The following XPO5 variants were observed in gnomAD, a reference collection of about 807,000 sequenced individuals.
XPO5 encodes exportin 5, also known as exportin-5.
In XPO5, 46 loss-of-function variants were observed where a neutral mutation model predicts 160.6. The ratio of observed to expected loss-of-function variants is 0.29; its 90% CI spans 0.23 to 0.37. The LOEUF (loss-of-function observed/expected upper bound fraction) is 0.37, where lower values mean the gene tolerates loss of function less well. Among genes scored for constraint, XPO5 ranks in the 10% least tolerant of loss-of-function variants. The pLI is 1.00. For synonymous variants in XPO5, 537 were observed against 519.3 expected, an observed-to-expected ratio of 1.03 and a Z score of -0.46; for missense variants, 1,090 against 1,463.9, an observed-to-expected ratio of 0.74 and a Z score of 4.17.
At position 43,570,982 on chromosome 6, in the gene XPO5, T is replaced by C. The variant is rs935290391; in HGVS notation, c.313A>G (p.Ile105Val). ...TTAATATGGTTCTCCTCTTCCAAAA[T>C]GTTCAATGTTCCCTGAAAAAGAACA... is the stretch of plus-strand genomic sequence containing the variant. ...MELIANGTLNILEEENHIKDA... is the reference protein window; with the variant it reads ...MELIANGTLNVLEEENHIKDA... Residue 105 changes from isoleucine (I) to valine (V), a missense_variant, in exon 4 of 32, where the codon ATT becomes GTT. Around this residue, in one of 3 missense-constraint regions of XPO5, gnomAD observed 170 missense variants for 227.0 expected, o/e 0.75. Transcript: ENST00000265351. 1.6e-5 allele frequency: 25 copies of C among 1,609,560 alleles called. No homozygotes were observed. The highest frequency in any genetic ancestry group is 2.1e-5 in the Non-Finnish European group (25 of 1,178,700).
At chr6:43,572,635 A>C in intron 2 of XPO5, 57 bp from the exon 3 acceptor site, 1 of 1,508,232 alleles carries the variant, frequency 6.6e-7, no homozygotes, top group Non-Finnish European at 9.2e-7. Context: ...TGTCTTTACA[A>C]GAGAATAGCA....
intron 21 of XPO5, among the ~76,000 whole-genome samples, chr6:43,533,145 CAA>C (rs112187126): frequency 6.9e-6 from 1 of 145,898 alleles, no homozygotes; most frequent in Non-Finnish European, 1.5e-5. Context: ...GAAAACAAAA[CAA>C]AACAAAAAAG....
intron 7 of XPO5, 63 bp downstream of exon 7, chr6:43,567,106 A>G (rs1762734421): frequency 6.7e-7 from 1 of 1,489,608 alleles, no homozygotes; most frequent in Non-Finnish European, 9.0e-7. Context: ...ACAACATGCA[A>G]TTAAACACAT....
chr6:43,567,119 A>G, intron 7 of XPO5, 50 bp downstream of exon 7: 1 of 1,541,694 alleles, frequency 6.5e-7, no homozygotes, highest in Non-Finnish European at 8.7e-7. Context: ...AAACACATAC[A>G]CAGCCTACTT....
At chr6:43,528,977 G>A in intron 23 of XPO5, 52 bp from the exon 24 acceptor site, 1 of 1,534,710 alleles carries the variant, frequency 6.5e-7, no homozygotes, top group Non-Finnish European at 8.9e-7. Context: ...TCTCTCACCT[G>A]CCAGGTGGTG....
chr6:43,546,879 G>T, intron 19 of XPO5, 127 bp from the exon 20 acceptor site: 1 of 945,896 alleles, frequency 1.1e-6, no homozygotes, highest in Non-Finnish European at 1.5e-6. Flanking sequence ...ATAATCCTCT[G>T]CTCCCCGGCA....
chr6:43,537,675 T>C (rs1449663193), intron 20 of XPO5, among the ~76,000 whole-genome samples: 2 of 152,174 alleles, frequency 1.3e-5, no homozygotes, highest in African/African-American at 2.4e-5. Context: ...TAAAGGAAAG[T>C]AGACAAGATC....
chr6:43,573,465 C>G lies in XPO5; in HGVS notation c.227+15G>C. 8.1e-6 allele frequency: 13 copies of G among 1,612,386 alleles called. No individual in the cohort carries two copies. Among genetic ancestry groups the G allele is most frequent in the Non-Finnish European group, 1.0e-5 (12 of 1,178,794 alleles). On this transcript the variant is annotated intron_variant, in intron 2 of 31. Transcript: ENST00000265351. The stretch of plus-strand genomic sequence containing the variant: ...TTCTCTCAGACTTCAGTGGTAATGT[C>G]CAAGAGCTCCTTACTTGACAACGTG...
intron 19 of XPO5, chr6:43,547,391 AAAT>A (rs1795012765): frequency 1.6e-6 from 1 of 636,470 alleles, no homozygotes; most frequent in South Asian, 1.6e-5. Flanking sequence ...CTTAAAGCCA[AAAT>A]AATGACTTCA....
At chr6:43,540,242 A>G (rs951357605) in intron 20 of XPO5, among the ~76,000 whole-genome samples, 2 of 152,148 alleles carry the variant, frequency 1.3e-5, no homozygotes, top group African/African-American at 4.8e-5. Flanking sequence ...ATACAAAATT[A>G]GCCAGGCCGG....
chr6:43,572,709 T>C (rs1763072064), intron 2 of XPO5, 131 bp from the exon 3 acceptor site: 1 of 981,608 alleles, frequency 1.0e-6, no homozygotes, highest in East Asian at 2.5e-5. Context: ...ATTTTGTACC[T>C]GTCAATGAAT....
chr6:43,527,304 ACT>A (rs1404293449), intron 26 of XPO5: 2 of 217,096 alleles, frequency 9.2e-6, no homozygotes, highest in South Asian at 1.5e-4. Context: ...ACGGAGTTTC[ACT>A]CTTTTGCCAG....
chr6:43,563,087 CT>C (rs59162304), intron 8 of XPO5, among the ~76,000 whole-genome samples: 5,449 of 152,126 alleles, frequency 0.036, 341 homozygotes, highest in African/African-American at 0.12. Flanking sequence ...TTCTGCCTGA[CT>C]TCCTGGTAAG....
intron 20 of XPO5, among the ~76,000 whole-genome samples, chr6:43,536,769 A>G (rs1406886589): frequency 2.7e-5 from 4 of 148,480 alleles, no homozygotes; most frequent in Non-Finnish European, 6.0e-5. Context: ...AAAAAAAAAA[A>G]AAAAAAAAAA....
Position 43,558,559 on chromosome 6 carries a change from G to T in XPO5, c.1254C>A (p.Ser418Arg). The T allele has an allele frequency of 6.2e-7, 1 of 1,601,632 alleles. No homozygotes were observed. The highest frequency in any genetic ancestry group is 8.5e-7 in the Non-Finnish European group (1 of 1,174,306). ...CAAAATCAAACCGAGAATATTCACAGCTAGGGCTGTCTGTTTTAGAAGGAA... is the reference window on the plus strand; with the variant it reads ...CAAAATCAAACCGAGAATATTCACATCTAGGGCTGTCTGTTTTAGAAGGAA... ...MGFPSKTDSP[S>R]CEYSRFDFDS... The change falls in exon 12 of 32, where the codon AGC becomes AGA. Residue 418 changes from serine to arginine, a missense_variant. This residue lies in a region of XPO5 where 810 missense variants were observed against 1,139.0 expected (regional missense o/e 0.71). Transcript: ENST00000265351.
intron 2 of XPO5, 75 bp downstream of exon 2, chr6:43,573,405 G>A: frequency 6.4e-7 from 1 of 1,571,822 alleles, no homozygotes; most frequent in Non-Finnish European, 8.7e-7. Flanking sequence ...CACCTAAACA[G>A]CATCTCTATA....
rs749442427 is a variant in XPO5, at chr6:43,560,200, G to A, written c.1199C>T (p.Ala400Val). The change falls in exon 11 of 32, where the codon GCT becomes GTT. Residue 400 changes from alanine to valine, a missense_variant. Ala to Val is a moderately conservative substitution (Grantham distance 64). This residue lies in a region of XPO5 where 810 missense variants were observed against 1,139.0 expected (regional missense o/e 0.71). Coordinates refer to ENST00000265351, the MANE Select transcript of XPO5 (RefSeq NM_020750.3). ...TACCTTGACCAAGTTAGTCATGGAA[G>A]CACGAAGATATTTTGGTATTATTGC... ...LLAIIPKYLR[A>V]SMTNLVKMGF... 1.2e-6 allele frequency: 2 copies of A among 1,612,424 alleles called. No individual in the cohort carries two copies. The highest frequency in any genetic ancestry group is 2.2e-5 in the East Asian group (1 of 44,880).
At chr6:43,542,515 T>C (rs1334231628) in intron 20 of XPO5, among the ~76,000 whole-genome samples, 2 of 152,240 alleles carry the variant, frequency 1.3e-5, no homozygotes, top group Middle Eastern at 3.4e-3. Flanking sequence ...GTTCAAGCGA[T>C]TCTCCTACCT....
intron 14 of XPO5, 67 bp from the exon 15 acceptor site, chr6:43,551,520 A>G (rs1453963882): frequency 1.1e-5 from 18 of 1,574,890 alleles, no homozygotes; most frequent in African/African-American, 2.7e-5. Context: ...TTTTGGCTAC[A>G]TTTTATTTTC....
Sources: allele counts gnomAD v4.1 joint callset (sites outside exome capture counted in the v4.1 genomes callset), GRCh38; gene constraint gnomAD v4.1.1; regional missense constraint gnomAD v4.1.1; transcripts MANE v1.5; gene names NCBI Gene and HGNC (gene_info 2026-07-23, HGNC 2026-07-21).